The following RGS8 variants were observed in gnomAD, a reference collection of about 807,000 sequenced individuals.
RGS8 encodes the protein regulator of G-protein signaling 8.
A neutral mutation model predicts 21.7 loss-of-function variants in RGS8; 8 were observed. The observed-to-expected ratio is 0.37, with a 90% CI of 0.22 to 0.66. RGS8 has a LOEUF of 0.66. Ranked by LOEUF, RGS8 falls within the 30% of genes least tolerant of loss-of-function variation. The pLI, the probability that RGS8 is intolerant of heterozygous loss-of-function variation, is 0.59. For synonymous variants in RGS8, 80 were observed against 83.6 expected, an observed-to-expected ratio of 0.96 and a Z score of 0.24; for missense variants, 157 against 217.9, an observed-to-expected ratio of 0.72 and a Z score of 1.76.
the RGS8 span, among the ~76,000 whole-genome samples, chr1:182,719,759 GA>G: frequency 2.8e-3 from 398 of 140,434 alleles, 4 homozygotes; most frequent in African/African-American, 9.1e-3. Flanking sequence ...GGGGAGAAAG[GA>G]AAAAAAAAAA....
chr1:182,657,881 C>T (rs1463393066), intron 5 of RGS8, among the ~76,000 whole-genome samples: 1 of 152,272 alleles, frequency 6.6e-6, no homozygotes, highest in African/African-American at 2.4e-5. Context: ...ACATAACATA[C>T]CCAATACAAA....
chr1:182,724,203 T>TATATAC, the RGS8 span, among the ~76,000 whole-genome samples: 1 of 18,002 alleles, frequency 5.6e-5, no homozygotes, highest in Non-Finnish European at 1.0e-4. Context: ...CTAGACTGGA[T>TATATAC]ATATATATAT....
chr1:182,711,174 C>T, the RGS8 span, among the ~76,000 whole-genome samples: 1 of 152,160 alleles, frequency 6.6e-6, no homozygotes, highest in Non-Finnish European at 1.5e-5. Context: ...TGAGCCAGTA[C>T]CTCTGTACTG....
rs1347977550 is a variant in RGS8, at chr1:182,669,709, T to C, written c.-60A>G. 7 of 1,613,162 alleles carry C rather than the reference T, an allele frequency of 4.3e-6. No individual in the cohort carries two copies. In the South Asian group the frequency reaches 4.4e-5, roughly 10 times the overall value. On this transcript the variant is annotated 5_prime_UTR_variant, in exon 3 of 7. Transcript: ENST00000483095. ...TATGCAGGGACGTCAGGGCAGGAAA[T>C]AAGACTGCGGGGCTCAGGAATTTAC...
At chr1:182,659,718 C>A (rs1216334665) in intron 5 of RGS8, among the ~76,000 whole-genome samples, 1 of 152,028 alleles carries the variant, frequency 6.6e-6, no homozygotes, top group Non-Finnish European at 1.5e-5. Flanking sequence ...GGAAAGAAAA[C>A]CCTCATGAAC....
rs543215276 is a variant in RGS8, at chr1:182,665,525, A to G, written c.193+444T>C. Among the ~76,000 whole-genome samples, 3 of 152,262 alleles carry G rather than the reference A, an allele frequency of 2.0e-5. No homozygotes were observed. The East Asian group carries it at 5.8e-4, about 29-fold the overall frequency. On this transcript the variant is annotated intron_variant, in intron 5 of 6. Coordinates refer to ENST00000483095, the Ensembl canonical transcript of RGS8. The stretch of plus-strand genomic sequence containing the variant: ...CAAAAAGCAACAATAAAACTCAAAA[A>G]CTGTCAACTCAAGTGAATAATAAAA...
downstream of RGS8, chr1:182,644,358 G>C (rs3795481): frequency 0.071 from 10,862 of 152,210 alleles, 783 homozygotes; most frequent in African/African-American, 0.17. Context: ...AACACACAGA[G>C]ACACTCCACA....
chr1:182,694,954 T>C, the RGS8 span, among the ~76,000 whole-genome samples: 1 of 152,096 alleles, frequency 6.6e-6, no homozygotes, highest in Non-Finnish European at 1.5e-5. Flanking sequence ...CACCCACATA[T>C]AGGTACACAG....
At chr1:182,678,529 G>A (rs926899772) in intron 1 of RGS8, among the ~76,000 whole-genome samples, 4 of 152,192 alleles carry the variant, frequency 2.6e-5, no homozygotes, top group South Asian at 4.1e-4. Flanking sequence ...AAACTTTGAA[G>A]ACTTTGTCCA....
the RGS8 span, among the ~76,000 whole-genome samples, chr1:182,719,181 G>A: frequency 2.0e-5 from 3 of 152,264 alleles, no homozygotes; most frequent in South Asian, 4.1e-4. Context: ...CAGGAGTTGC[G>A]CAGCACAGAG....
the RGS8 span, among the ~76,000 whole-genome samples, chr1:182,719,810 T>C: frequency 6.6e-6 from 1 of 152,212 alleles, no homozygotes; most frequent in South Asian, 2.1e-4. Context: ...AGTATGTTTA[T>C]ACCATTTATA....
At chr1:182,738,953 T>C in the RGS8 span, among the ~76,000 whole-genome samples, 3 of 152,208 alleles carry the variant, frequency 2.0e-5, no homozygotes, top group African/African-American at 7.2e-5. Context: ...GCTAGAGGAC[T>C]AAAGAGACAA....
At chr1:182,685,831 A>G (rs1664688135), upstream of RGS8, among the ~76,000 whole-genome samples, 1 of 152,170 alleles carries the variant, frequency 6.6e-6, no homozygotes, top group African/African-American at 2.4e-5. Flanking sequence ...ACTCTTGGGA[A>G]CCTAGTATGT....
chr1:182,663,948 G>A (rs966334856), intron 5 of RGS8, among the ~76,000 whole-genome samples: 5 of 152,178 alleles, frequency 3.3e-5, no homozygotes, highest in Non-Finnish European at 5.9e-5. Context: ...GGAATTATAC[G>A]TCTGAGCCAC....
At chr1:182,664,502 T>C (rs1011466989) in intron 5 of RGS8, among the ~76,000 whole-genome samples, 5 of 152,160 alleles carry the variant, frequency 3.3e-5, no homozygotes, top group Admixed American at 2.0e-4. Flanking sequence ...AACTTCAAGA[T>C]GACCTTGAAT....
At chr1:182,697,684 CT>C in the RGS8 span, among the ~76,000 whole-genome samples, 39 of 151,624 alleles carry the variant, frequency 2.6e-4, no homozygotes, top group South Asian at 1.3e-3. Context: ...TTCTAAAACA[CT>C]TTTTTTTTCA....
the RGS8 span, among the ~76,000 whole-genome samples, chr1:182,710,288 C>T: frequency 3.3e-5 from 5 of 152,140 alleles, no homozygotes; most frequent in African/African-American, 4.8e-5. Flanking sequence ...GTTTCAGTTT[C>T]CTGCTGGCCT....
chr1:182,718,990 AT>A, the RGS8 span, among the ~76,000 whole-genome samples: 1 of 152,164 alleles, frequency 6.6e-6, no homozygotes, highest in African/African-American at 2.4e-5. Context: ...TTTTTCCCAA[AT>A]AACAGTTTCT....
At chr1:182,739,994 A>G in the RGS8 span, among the ~76,000 whole-genome samples, 3 of 151,978 alleles carry the variant, frequency 2.0e-5, no homozygotes, top group Non-Finnish European at 4.4e-5. Flanking sequence ...CCCAATTTCT[A>G]TCATCGCCTG....
Sources: allele counts gnomAD v4.1 joint callset (sites outside exome capture counted in the v4.1 genomes callset), GRCh38; gene constraint gnomAD v4.1.1; transcripts MANE v1.5; gene names NCBI Gene and HGNC (gene_info 2026-07-23, HGNC 2026-07-21).